TBC1D5: variants seen among roughly 807,000 people sequenced by gnomAD.
TBC1D5 encodes TBC1 domain family member 5, also known as TBC1 domain family, member 5.
A neutral mutation model predicts 100.3 loss-of-function variants in TBC1D5; 75 were observed. The observed-to-expected ratio is 0.75, with a 90% confidence interval of 0.62 to 0.91. The LOEUF is 0.91. Among genes scored for constraint, TBC1D5 ranks in the 40% least tolerant of loss-of-function variants. The pLI is 0.00. For missense variants in TBC1D5, 910 were observed against 942.4 expected, an observed-to-expected ratio of 0.97 and a Z score of 0.45; for synonymous variants, 323 against 325.6, an observed-to-expected ratio of 0.99 and a Z score of 0.09.
At chr3:17,251,436 C>CGG (rs1032946215) in intron 16 of TBC1D5, among the ~76,000 whole-genome samples, 2 of 143,922 alleles carry the variant, frequency 1.4e-5, no homozygotes, top group African/African-American at 2.6e-5. Context: ...CCCCCCCCCC[C>CGG]CCAGTAGAAG....
chr3:17,312,813 G>A (rs1422876051), intron 13 of TBC1D5, among the ~76,000 whole-genome samples: 3 of 152,158 alleles, frequency 2.0e-5, no homozygotes, highest in Non-Finnish European at 4.4e-5. Context: ...AAAATAGTCT[G>A]AATGGAAAGT....
intron 3 of TBC1D5, among the ~76,000 whole-genome samples, chr3:17,434,453 C>G (rs1262100022): frequency 6.6e-6 from 1 of 152,220 alleles, no homozygotes; most frequent in Non-Finnish European, 1.5e-5. Flanking sequence ...ATAGCCCAAG[C>G]TGTACACTGG....
intron 1 of TBC1D5, among the ~76,000 whole-genome samples, chr3:17,687,625 C>G (rs1374484523): frequency 1.3e-5 from 2 of 152,148 alleles, no homozygotes; most frequent in Non-Finnish European, 2.9e-5. Context: ...CCTTTTTGCT[C>G]TACCGTACAG....
intron 2 of TBC1D5, among the ~76,000 whole-genome samples, chr3:17,613,323 G>A (rs146437310): frequency 0.05 from 7,596 of 152,164 alleles, 597 homozygotes; most frequent in African/African-American, 0.17. Context: ...CTCTGCTATC[G>A]TGAATAGTGC....
intron 3 of TBC1D5, among the ~76,000 whole-genome samples, chr3:17,496,524 T>C (rs2095709730): frequency 6.6e-6 from 1 of 152,064 alleles, no homozygotes; most frequent in South Asian, 2.1e-4. Flanking sequence ...AAACTATTAG[T>C]ATATACTGGT....
intron 1 of TBC1D5, among the ~76,000 whole-genome samples, chr3:17,657,045 A>G (rs959406368): frequency 2.0e-5 from 3 of 152,122 alleles, no homozygotes; most frequent in Admixed American, 6.6e-5. Flanking sequence ...AACTTGCCCA[A>G]GGACACACAA....
intron 18 of TBC1D5, among the ~76,000 whole-genome samples, chr3:17,186,105 T>C (rs529649726): frequency 2.0e-5 from 3 of 151,386 alleles, no homozygotes; most frequent in East Asian, 1.9e-4. Flanking sequence ...CTAGCTAGGA[T>C]ACCAAGAAAG....
intron 4 of TBC1D5, among the ~76,000 whole-genome samples, chr3:17,408,835 T>G (rs2093845401): frequency 6.6e-6 from 1 of 152,126 alleles, no homozygotes; most frequent in Non-Finnish European, 1.5e-5. Flanking sequence ...CTTTCATTGT[T>G]TTCTCTTGCT....
At chr3:17,619,478 C>G (rs2062466048) in intron 2 of TBC1D5, among the ~76,000 whole-genome samples, 1 of 152,054 alleles carries the variant, frequency 6.6e-6, no homozygotes, top group Non-Finnish European at 1.5e-5. Context: ...AGATAGAAAT[C>G]TAATATCTGT....
At chr3:17,542,810 C>T (rs1210034480) in intron 2 of TBC1D5, among the ~76,000 whole-genome samples, 1 of 152,088 alleles carries the variant, frequency 6.6e-6, no homozygotes, top group Non-Finnish European at 1.5e-5. Flanking sequence ...GAACAAATCC[C>T]ACTTGGTGAT....
chr3:17,347,889 G>C (rs1211653717), intron 13 of TBC1D5, among the ~76,000 whole-genome samples: 1 of 152,098 alleles, frequency 6.6e-6, no homozygotes, highest in Non-Finnish European at 1.5e-5. Context: ...TGTAATTCTT[G>C]CTACTTGGGA....
At chr3:17,731,094 G>A (rs1021275568) in intron 1 of TBC1D5, among the ~76,000 whole-genome samples, 2 of 152,000 alleles carry the variant, frequency 1.3e-5, no homozygotes, top group Admixed American at 1.3e-4. Context: ...AAGATGAAGA[G>A]ACAGAAAAAC....
At chr3:17,376,159 T>G (rs2092699198) in intron 10 of TBC1D5, among the ~76,000 whole-genome samples, 1 of 152,148 alleles carries the variant, frequency 6.6e-6, no homozygotes, top group South Asian at 2.1e-4. Flanking sequence ...ATCTCATATA[T>G]AAAGTCTTAT....
At chr3:17,730,211 T>G (rs185761141) in intron 1 of TBC1D5, among the ~76,000 whole-genome samples, 2 of 152,306 alleles carry the variant, frequency 1.3e-5, no homozygotes, top group East Asian at 3.9e-4. Context: ...AGTTTCATTT[T>G]TTGTATTTTA....
chr3:17,443,789 GCT>G lies in TBC1D5; in HGVS notation c.98-15272_98-15271del, dbSNP rs370544002. 1.0e-3 allele frequency among the ~76,000 whole-genome samples: 154 copies of G among 152,212 alleles called. 2 individuals are homozygous for G. The South Asian group carries it at 0.018, about 18-fold the overall frequency. ...TGAAATTTTAAAAATTCATAGATGG[GCT>G]CTGTAATGAAATGGATAAGACAGCG... On this transcript the variant is annotated intron_variant, in intron 3 of 21. Coordinates refer to ENST00000253692, the Ensembl canonical transcript of TBC1D5.
At chr3:17,500,748 C>T (rs1192714769) in intron 3 of TBC1D5, among the ~76,000 whole-genome samples, 1 of 149,612 alleles carries the variant, frequency 6.7e-6, no homozygotes, top group Non-Finnish European at 1.5e-5. Context: ...AATACTTCCT[C>T]TATCCAAGTT....
intron 8 of TBC1D5, among the ~76,000 whole-genome samples, chr3:17,399,032 T>C (rs1012372622): frequency 6.6e-6 from 1 of 152,158 alleles, no homozygotes; most frequent in African/African-American, 2.4e-5. Context: ...CTGTTAGGAA[T>C]CTAACAGGAA....
intron 3 of TBC1D5, among the ~76,000 whole-genome samples, chr3:17,496,196 CTAAT>C (rs1165176690): frequency 1.3e-5 from 2 of 152,094 alleles, no homozygotes; most frequent in Non-Finnish European, 2.9e-5. Context: ...AGCTTGTACA[CTAAT>C]TAAAGCAAAT....
intron 2 of TBC1D5, among the ~76,000 whole-genome samples, chr3:17,543,433 A>G (rs112069060): frequency 0.069 from 10,483 of 152,008 alleles, 710 homozygotes; most frequent in African/African-American, 0.18. Flanking sequence ...AGGAGTTCGA[A>G]ACCAGCCTGG....
Sources: allele counts gnomAD v4.1 joint callset (sites outside exome capture counted in the v4.1 genomes callset), GRCh38; gene constraint gnomAD v4.1.1; transcripts MANE v1.5; gene names NCBI Gene and HGNC (gene_info 2026-07-23, HGNC 2026-07-21).